The following LRRC75A variants were observed in gnomAD, a reference collection of about 807,000 sequenced individuals.
LRRC75A encodes the protein leucine-rich repeat-containing protein 75A.
LRRC75A carries 12 observed loss-of-function variants against 26.0 expected under a neutral mutation model. That is an observed-to-expected ratio of 0.46 (90% confidence interval 0.30 to 0.75). The LOEUF (loss-of-function observed/expected upper bound fraction) is 0.75, where lower values mean the gene tolerates loss of function less well. Ranked by LOEUF, LRRC75A falls within the 30% of genes least tolerant of loss-of-function variation. The probability of loss-of-function intolerance (pLI) is 0.08; values close to 1 mark genes in which losing one functional copy is unlikely to be tolerated. For missense variants in LRRC75A, 410 were observed against 486.6 expected (o/e 0.84, Z 1.48); for synonymous variants, 223 against 219.3 (o/e 1.02, Z -0.15).
intron 1 of LRRC75A, among the ~76,000 whole-genome samples, chr17:16,474,033 G>A (rs939135797): frequency 2.0e-5 from 3 of 152,192 alleles, no homozygotes; most frequent in African/African-American, 7.2e-5. Context: ...TCCGAGAAAC[G>A]GCTTTAGCAA....
intron 1 of LRRC75A, among the ~76,000 whole-genome samples, chr17:16,484,943 G>A (rs560899406): frequency 6.6e-6 from 1 of 150,496 alleles, no homozygotes; most frequent in South Asian, 2.1e-4. Flanking sequence ...CAGCAGCCAG[G>A]AGTCTGAGCT....
At position 16,491,803 on chromosome 17, in the gene LRRC75A, C is replaced by T. The variant is rs550653732; in HGVS notation, c.188G>A (p.Arg63Gln). The T allele has an allele frequency of 8.6e-5, 124 of 1,437,164 alleles. 1 individual carries two copies. In the East Asian group the frequency reaches 2.5e-3, roughly 29 times the overall value. The allele number at this position is 1,437,164 out of a possible 1,614,324, so 89.0% of individuals were successfully genotyped here. Residue 63 changes from arginine (R) to glutamine (Q), a missense_variant, in exon 1 of 4, where the codon CGG (arginine) becomes CAG (glutamine). Coordinates refer to ENST00000470794, the MANE Select transcript of LRRC75A (RefSeq NM_001113567.3). The surrounding 1 kb of genome is among the most constrained non-coding windows in gnomAD (Gnocchi z 5.9). ...RRVGMVQELL[R>Q]MVRQGRREEA... ...CTCCCGCCGGCCCTGGCGCACCATCCGCAGCAGCTCCTGGACCATGCCGAC... is the reference window on the plus strand; with the variant it reads ...CTCCCGCCGGCCCTGGCGCACCATCTGCAGCAGCTCCTGGACCATGCCGAC...
rs545332775 is a variant in LRRC75A, at chr17:16,460,247, C to A, written c.375+2011G>T. Among the ~76,000 whole-genome samples the A allele has an allele frequency of 2.0e-5, 3 of 152,316 alleles. No individual in the cohort carries two copies. In the East Asian group the frequency reaches 5.8e-4, roughly 29 times the overall value. ...CTTCAGAAGTGTGAGAGATAAATTT[C>A]TACTGTTTGTAAGCCACCCAGTCTA... On this transcript the variant is annotated intron_variant, in intron 2 of 3. Coordinates refer to ENST00000470794, the MANE Select transcript of LRRC75A (RefSeq NM_001113567.3).
intron 2 of LRRC75A, among the ~76,000 whole-genome samples, chr17:16,449,202 A>G (rs905201679): frequency 6.6e-6 from 1 of 152,208 alleles, no homozygotes; most frequent in Non-Finnish European, 1.5e-5. Context: ...AGTGCTCAGC[A>G]TGGTGCCTGG....
intron 3 of LRRC75A, among the ~76,000 whole-genome samples, chr17:16,446,403 C>T (rs1352467073): frequency 6.6e-6 from 1 of 152,068 alleles, no homozygotes; most frequent in Non-Finnish European, 1.5e-5. Context: ...GAGAAGGTAG[C>T]GTGTGGACTG....
At position 16,443,530 on chromosome 17, in the gene LRRC75A, GC is replaced by G; in HGVS notation, c.*57del. The G allele has an allele frequency of 7.0e-7, 1 of 1,419,066 alleles. No homozygotes were observed. The highest frequency in any genetic ancestry group is 9.3e-7 in the Non-Finnish European group (1 of 1,073,522). The allele number at this position is 1,419,066 out of a possible 1,614,324, so 87.9% of individuals were successfully genotyped here. On this transcript the variant is annotated 3_prime_UTR_variant, in exon 4 of 4. Coordinates refer to ENST00000470794, the MANE Select transcript of LRRC75A (RefSeq NM_001113567.3). ...CCTGATAGGAGAAGCGCCCTCCCCT[GC>G]CTGCCTTGCCCATTCTACCCAACAA...
chr17:16,452,700 C>G (rs2093642940), intron 2 of LRRC75A, among the ~76,000 whole-genome samples: 1 of 152,058 alleles, frequency 6.6e-6, no homozygotes, highest in African/African-American at 2.4e-5. Flanking sequence ...TCCTAAAGTG[C>G]TGGGATTACA....
chr17:16,482,635 C>G (rs2093837202), intron 1 of LRRC75A, among the ~76,000 whole-genome samples: 1 of 152,224 alleles, frequency 6.6e-6, no homozygotes, highest in African/African-American at 2.4e-5. Flanking sequence ...TGCCCAGCAG[C>G]CAGTGTGTGC....
At chr17:16,475,918 C>T (rs1032439793) in intron 1 of LRRC75A, among the ~76,000 whole-genome samples, 2 of 152,056 alleles carry the variant, frequency 1.3e-5, no homozygotes, top group Admixed American at 1.3e-4. Context: ...GTTGGCCGGG[C>T]ATGGTGGCTC....
intron 1 of LRRC75A, among the ~76,000 whole-genome samples, chr17:16,467,382 C>A (rs950899612): frequency 5.3e-5 from 8 of 152,194 alleles, no homozygotes; most frequent in Non-Finnish European, 7.3e-5. Flanking sequence ...TTTGCATTCA[C>A]GTGTGTGCAA....
intron 1 of LRRC75A, among the ~76,000 whole-genome samples, chr17:16,476,001 G>A (rs936992320): frequency 6.6e-6 from 1 of 152,076 alleles, no homozygotes; most frequent in Non-Finnish European, 1.5e-5. Flanking sequence ...GACCATCCTG[G>A]CTAACATGGT....
At chr17:16,452,499 G>A (rs1008655219) in intron 2 of LRRC75A, among the ~76,000 whole-genome samples, 5 of 151,618 alleles carry the variant, frequency 3.3e-5, no homozygotes, top group African/African-American at 7.3e-5. Context: ...GTGCAGTGGC[G>A]CGGTCTTGGC....
At chr17:16,452,920 A>G (rs747989774) in intron 2 of LRRC75A, among the ~76,000 whole-genome samples, 1 of 151,956 alleles carries the variant, frequency 6.6e-6, no homozygotes. Context: ...TCCTCCTTCA[A>G]TCACTTCCCA....
chr17:16,443,893 G>A lies in LRRC75A; in HGVS notation c.730C>T (p.Arg244Trp), dbSNP rs758744197. The A allele has an allele frequency of 7.4e-6, 12 of 1,613,292 alleles. No individual in the cohort carries two copies. The highest frequency in any genetic ancestry group is 3.3e-5 in the Admixed American group (2 of 60,026). Residue 244 changes from arginine (R) to tryptophan (W), a missense_variant, in exon 4 of 4, where the codon CGG becomes TGG. Coordinates refer to ENST00000470794, the MANE Select transcript of LRRC75A (RefSeq NM_001113567.3). ...TLALNGNRLT[R>W]AVLRDLTDIL... ...TCAGTGAGGTCGCGCAGCACGGCCC[G>A]GGTCAACCGGTTGCCATTGAGTGCC... is the stretch of plus-strand genomic sequence containing the variant.
At chr17:16,452,432 ATTTT>A (rs34922220) in intron 2 of LRRC75A, among the ~76,000 whole-genome samples, 30,833 of 144,908 alleles carry the variant, frequency 0.21, 3,604 homozygotes, top group Middle Eastern at 0.3. Flanking sequence ...AGGCACAGGG[ATTTT>A]TTTTTTTTTC....
intron 1 of LRRC75A, among the ~76,000 whole-genome samples, chr17:16,482,162 T>C (rs11868831): frequency 0.4 from 60,379 of 152,034 alleles, 12,812 homozygotes; most frequent in African/African-American, 0.55. Context: ...TCCAGGAGGC[T>C]GTGACTGCAT....
chr17:16,457,682 G>A (rs1001100946), intron 2 of LRRC75A, among the ~76,000 whole-genome samples: 2 of 152,116 alleles, frequency 1.3e-5, no homozygotes, highest in Admixed American at 1.3e-4. Context: ...GTCTTAAAAG[G>A]TATTGTGGGG....
rs774775720 is a variant in LRRC75A, at chr17:16,443,656, C to T, written c.967G>A (p.Gly323Arg). The change falls in exon 4 of 4, where the codon GGG becomes AGG. Residue 323 changes from glycine (G) to arginine (R), a missense_variant. Gly to Arg is a moderately radical substitution (Grantham distance 125). Transcript: ENST00000470794. Reference protein sequence around the residue: ...EGTVGQEDPGGGPVAPAEDHH... With the variant: ...EGTVGQEDPGRGPVAPAEDHH... ...TCTTCGGCAGGTGCCACAGGGCCCCCTCCAGGGTCCTCCTGGCCTACTGTC... is the reference window on the plus strand; with the variant it reads ...TCTTCGGCAGGTGCCACAGGGCCCCTTCCAGGGTCCTCCTGGCCTACTGTC... 4.5e-6 allele frequency: 7 copies of T among 1,568,932 alleles called. No individual in the cohort carries two copies. In the African/African-American group the frequency reaches 9.5e-5, roughly 21 times the overall value.
At chr17:16,487,626 G>T (rs935767703) in intron 1 of LRRC75A, among the ~76,000 whole-genome samples, 1 of 152,236 alleles carries the variant, frequency 6.6e-6, no homozygotes, top group Admixed American at 6.5e-5. Context: ...TGCATTTGTA[G>T]AGACAGCCAT....
Sources: gnomAD v4.1 joint callset for allele counts (sites outside exome capture counted in the v4.1 genomes callset) on GRCh38, gnomAD v4.1.1 for gene constraint, Gnocchi (gnomAD v3.1) non-coding constraint, MANE v1.5 for transcripts, NCBI Gene and HGNC (gene_info 2026-07-23, HGNC 2026-07-21) for gene names.